The following ZNF311 variants were observed in gnomAD, a reference collection of about 807,000 sequenced individuals.
ZNF311 encodes the protein zinc finger protein zfp31.
ZNF311 carries 14 observed loss-of-function variants against 22.7 expected under a neutral mutation model. That is an observed-to-expected ratio of 0.62 (90% confidence interval 0.41 to 0.96). The LOEUF (loss-of-function observed/expected upper bound fraction) is 0.96, where lower values mean the gene tolerates loss of function less well. Ranked by LOEUF, ZNF311 falls within the 40% of genes least tolerant of loss-of-function variation. ZNF311 has a pLI of 0.00. For missense variants in ZNF311, 731 were observed against 799.0 expected (o/e 0.91, Z 1.03); for synonymous variants, 250 against 275.3 (o/e 0.91, Z 0.91).
chr6:29,000,021 A>G lies in ZNF311; in HGVS notation c.118T>C (p.Phe40Leu). 6.2e-7 allele frequency: 1 copy of G among 1,613,770 alleles called. No individual in the cohort carries two copies. The highest frequency in any genetic ancestry group is 8.5e-7 in the Non-Finnish European group (1 of 1,179,946). The change falls in exon 4 of 7, where the codon TTC becomes CTC. Residue 40 changes from phenylalanine (F) to leucine (L), a missense_variant. By Grantham distance (22) the Phe-to-Leu change is conservative. Transcript: ENST00000377179. ...TTTCCTTGGCTTCCATCTTTAGTGA[A>G]GGCAGGATATGGAGCAGGTAATAGA... Reference protein sequence around the residue: ...SALLPAPYPAFTKDGSQGNLP... With the variant: ...SALLPAPYPALTKDGSQGNLP...
At chr6:29,003,389 CT>C (rs1234318053) in intron 3 of ZNF311, 123 bp downstream of exon 3, 2 of 791,706 alleles carry the variant, frequency 2.5e-6, no homozygotes, top group Non-Finnish European at 4.3e-6. Flanking sequence ...CAAAATAAGA[CT>C]TTCTATAAAT....
At position 28,995,663 on chromosome 6, in the gene ZNF311, G is replaced by A. The variant is rs781062853; in HGVS notation, c.1339C>T (p.Gln447Ter). 1.2e-6 allele frequency: 2 copies of A among 1,613,474 alleles called. No individual in the cohort carries two copies. The highest frequency in any genetic ancestry group is 4.5e-5 in the East Asian group (2 of 44,862). ...TTGATGCTGAAGTCTTTTCCACACT[G>A]GGGACACCCATAGTGTTTCTCCCGA... is the stretch of plus-strand genomic sequence containing the variant. ...HTREKHYGCPQCGKDFSIKAE... is the reference protein window; with the variant it reads ...HTREKHYGCP The change falls in exon 7 of 7, where the codon CAG becomes TAG. Residue 447 changes from glutamine to a stop codon, truncating the protein, a stop_gained. Coordinates refer to ENST00000377179, the MANE Select transcript of ZNF311 (RefSeq NM_001382360.1). LOFTEE classifies it low-confidence loss of function (END_TRUNC). This position sits in a 1 kb window ranked among gnomAD's most constrained non-coding sequence, Gnocchi z 4.7.
At chr6:29,002,290 T>C (rs918168206) in intron 3 of ZNF311, among the ~76,000 whole-genome samples, 10 of 152,176 alleles carry the variant, frequency 6.6e-5, no homozygotes, top group South Asian at 2.1e-4. Context: ...TCACGACCAT[T>C]TGAGAAAAAG....
At position 28,994,976 on chromosome 6, in the gene ZNF311, G is replaced by A; in HGVS notation, c.*25C>T. On this transcript the variant is annotated 3_prime_UTR_variant, in exon 7 of 7. Coordinates refer to ENST00000377179, the MANE Select transcript of ZNF311 (RefSeq NM_001382360.1). ...ACCAGCCTAAGAGGTAGGAAAAACA[G>A]AAAGTAACACCAGAATCGTTATACT... 6.4e-7 allele frequency: 1 copy of A among 1,555,370 alleles called. No individual in the cohort carries two copies. Among genetic ancestry groups the A allele is most frequent in the Non-Finnish European group, 8.7e-7 (1 of 1,154,674 alleles).
chr6:28,994,922 C>G lies in ZNF311; in HGVS notation c.*79G>C. The G allele has an allele frequency of 1.4e-6, 2 of 1,418,358 alleles. No homozygotes were observed. Among genetic ancestry groups the G allele is most frequent in the Non-Finnish European group, 1.9e-6 (2 of 1,077,294 alleles). 87.9% of individuals were successfully genotyped at this position (1,418,358 alleles called of 1,614,324 possible). On this transcript the variant is annotated 3_prime_UTR_variant, in exon 7 of 7. Coordinates refer to ENST00000377179, the MANE Select transcript of ZNF311 (RefSeq NM_001382360.1). ...ATCTCACAATTAAGGGTCAGGAAAT[C>G]AGGAATAACTAATATAAGAGACAGA...
At chr6:29,000,808 GCT>G (rs1780343876) in intron 3 of ZNF311, among the ~76,000 whole-genome samples, 1 of 150,320 alleles carries the variant, frequency 6.7e-6, no homozygotes, top group Non-Finnish European at 1.5e-5. Context: ...TAAGAGTCTC[GCT>G]CTGTCTCCCA....
Position 28,994,859 on chromosome 6 carries a change from A to T in ZNF311, c.*142T>A, listed in dbSNP as rs1017496345. 3.4e-5 allele frequency: 32 copies of T among 946,722 alleles called. No individual in the cohort carries two copies. Among genetic ancestry groups the T allele is most frequent in the Non-Finnish European group, 2.7e-5 (18 of 662,348 alleles). 58.6% of individuals were successfully genotyped at this position (946,722 alleles called of 1,614,324 possible). A position where few individuals can be genotyped will look rare whatever the true frequency, so the allele number is the denominator to read the frequency against. On this transcript the variant is annotated 3_prime_UTR_variant, in exon 7 of 7. Coordinates refer to ENST00000377179, the MANE Select transcript of ZNF311 (RefSeq NM_001382360.1). Reference sequence around the variant, plus strand: ...GGAAGTAAATGTGCTCACTGAAAAAATAGTGAATAAGAAGGTAAAGGACAA... The same window carrying T: ...GGAAGTAAATGTGCTCACTGAAAAATTAGTGAATAAGAAGGTAAAGGACAA...
At position 29,000,058 on chromosome 6, in the gene ZNF311, A is replaced by G. The variant is rs1213327896; in HGVS notation, c.92-11T>C. 1.2e-6 allele frequency: 2 copies of G among 1,611,146 alleles called. No individual in the cohort carries two copies. Among genetic ancestry groups the G allele is most frequent in the Admixed American group, 3.4e-5 (2 of 59,668 alleles). ...GAGCAGGTAATAGAGCTGAGGGAAGATAAGTAAGCCAAGAGTCAATATAGC... is the reference window on the plus strand; with the variant it reads ...GAGCAGGTAATAGAGCTGAGGGAAGGTAAGTAAGCCAAGAGTCAATATAGC... On this transcript the variant is annotated splice_polypyrimidine_tract_variant and intron_variant, in intron 3 of 6. Coordinates refer to ENST00000377179, the MANE Select transcript of ZNF311 (RefSeq NM_001382360.1).
At chr6:28,999,778 G>T (rs1780184727) in intron 4 of ZNF311, 165 bp from the exon 5 acceptor site, 1 of 1,262,536 alleles carries the variant, frequency 7.9e-7, no homozygotes, top group Non-Finnish European at 1.1e-6. Flanking sequence ...GGTTTTGATA[G>T]CAAAAAATAA....
At chr6:29,004,246 T>A in intron 1 of ZNF311, 32 bp from the exon 2 acceptor site, 1 of 1,359,502 alleles carries the variant, frequency 7.4e-7, no homozygotes, top group Non-Finnish European at 9.5e-7. Context: ...AAGAGGAATG[T>A]GACCACAGGA....
At chr6:28,999,770 T>G in intron 4 of ZNF311, 157 bp from the exon 5 acceptor site, 1 of 1,276,368 alleles carries the variant, frequency 7.8e-7, no homozygotes, top group South Asian at 1.5e-5. Context: ...GAGCATGGGG[T>G]TTTGATAGCA....
rs751836963 is a variant in ZNF311 at position 28,995,503 on chromosome 6, T to G, written c.1499A>C (p.Gln500Pro). ...EREHTGEKPY[Q>P]CRDCGKTFQD... is the part of the protein sequence containing the mutation. ...GAAGGTTTTCCCACAATCCCTGCAT[T>G]GATAGGGCTTCTCCCCTGTATGCTC... The change falls in exon 7 of 7, where the codon CAA (glutamine) becomes CCA (proline). Residue 500 changes from glutamine to proline, a missense_variant. Physicochemically the swap from Gln to Pro is moderately conservative, Grantham distance 76 (BLOSUM62 -1). Transcript: ENST00000377179. The surrounding 1 kb of genome is among the most constrained non-coding windows in gnomAD (Gnocchi z 4.7). The G allele has an allele frequency of 6.2e-7, 1 of 1,613,138 alleles. No homozygotes were observed. The highest frequency in any genetic ancestry group is 1.3e-5 in the African/African-American group (1 of 74,938).
Position 28,995,525 on chromosome 6 carries a change from G to T in ZNF311, c.1477C>A (p.His493Asn). The T allele has an allele frequency of 6.2e-7, 1 of 1,613,848 alleles. No individual in the cohort carries two copies. The highest frequency in any genetic ancestry group is 8.5e-7 in the Non-Finnish European group (1 of 1,180,032). The change falls in exon 7 of 7, where the codon CAT (histidine) becomes AAT (asparagine). Residue 493 changes from histidine to asparagine, a missense_variant. Physicochemically the swap from His to Asn is moderately conservative, Grantham distance 68 (BLOSUM62 1). Coordinates refer to ENST00000377179, the MANE Select transcript of ZNF311 (RefSeq NM_001382360.1). The surrounding 1 kb of genome is among the most constrained non-coding windows in gnomAD (Gnocchi z 4.7). ...CATTGATAGGGCTTCTCCCCTGTAT[G>T]CTCTCGTTCATGAGCCCTGCGCTTA... ...NCKRRAHERE[H>N]TGEKPYQCRD...
At position 28,995,009 on chromosome 6, in the gene ZNF311, T is replaced by A; in HGVS notation, c.1993A>T (p.Ser665Cys). The change falls in exon 7 of 7, where the codon AGT becomes TGT. Residue 665 changes from serine to cysteine, a missense_variant. Physicochemically the swap from Ser to Cys is moderately radical, Grantham distance 112 (BLOSUM62 -1). Coordinates refer to ENST00000377179, the MANE Select transcript of ZNF311 (RefSeq NM_001382360.1). The surrounding 1 kb of genome is among the most constrained non-coding windows in gnomAD (Gnocchi z 4.7). ...CACCAGAATCGTTATACTCAGGCAC[T>A]GGTCAAAATACTGACTACTGAGGTC... ...SQTSVVSILT[S>C]A 1 of 1,603,506 alleles carries A rather than the reference T, an allele frequency of 6.2e-7. No individual in the cohort carries two copies. Among genetic ancestry groups the A allele is most frequent in the Non-Finnish European group, 8.5e-7 (1 of 1,175,330 alleles).
intron 1 of ZNF311, among the ~76,000 whole-genome samples, chr6:29,004,435 CTCCTT>C: frequency 3.1e-5 from 1 of 32,494 alleles, no homozygotes; most frequent in Non-Finnish European, 4.6e-5. Context: ...CCTTGCCTTC[CTCCTT>C]TCTTTTTTTT....
Position 28,999,988 on chromosome 6 carries a change from G to T in ZNF311, c.151C>A (p.Gln51Lys). Residue 51 changes from glutamine to lysine, a missense_variant, in exon 4 of 7, where the codon CAA (glutamine) becomes AAA (lysine). By Grantham distance (53) the Gln-to-Lys change is moderately conservative (BLOSUM62 1). Coordinates refer to ENST00000377179, the MANE Select transcript of ZNF311 (RefSeq NM_001382360.1). Reference sequence around the variant, plus strand: ...TGGCTCATTAGTGTGATATCTGCTTGCGGCAGGTTTCCTTGGCTTCCATCT... The same window carrying T: ...TGGCTCATTAGTGTGATATCTGCTTTCGGCAGGTTTCCTTGGCTTCCATCT... ...TKDGSQGNLP[Q>K]ADITLMSQAQ... The T allele has an allele frequency of 6.2e-7, 1 of 1,613,754 alleles. No individual in the cohort carries two copies. Among genetic ancestry groups the T allele is most frequent in the Non-Finnish European group, 8.5e-7 (1 of 1,179,940 alleles).
chr6:28,999,314 A>G (rs1780095947), intron 5 of ZNF311, among the ~76,000 whole-genome samples, 173 bp downstream of exon 5: 1 of 152,124 alleles, frequency 6.6e-6, no homozygotes, highest in Non-Finnish European at 1.5e-5. Flanking sequence ...GTTAGCCAAA[A>G]AATTATCTTG....
chr6:29,002,620 AT>A lies in ZNF311; in HGVS notation c.91+892del, dbSNP rs35452431. Among the ~76,000 whole-genome samples the A allele has an allele frequency of 3.1e-3, 413 of 132,832 alleles. 2 individuals are homozygous for A. The highest frequency in any genetic ancestry group is 0.025 in the South Asian group (104 of 4,120). 87.1% of individuals were successfully genotyped at this position (132,832 alleles called of 152,430 possible). The stretch of plus-strand genomic sequence containing the variant: ...CTCCTAGGTTGCACCTCCAACAGCA[AT>A]TTTTTTTTTTTTTTTTTTAGACAGA... On this transcript the variant is annotated intron_variant, in intron 3 of 6. Coordinates refer to ENST00000377179, the MANE Select transcript of ZNF311 (RefSeq NM_001382360.1).
chr6:29,001,127 G>A (rs1360769495), intron 3 of ZNF311, among the ~76,000 whole-genome samples: 1 of 152,108 alleles, frequency 6.6e-6, no homozygotes, highest in Non-Finnish European at 1.5e-5. Context: ...TTCCTTGCAG[G>A]CCAGCTCAAT....
Sources: allele counts gnomAD v4.1 joint callset (sites outside exome capture counted in the v4.1 genomes callset), GRCh38; gene constraint gnomAD v4.1.1; non-coding constraint Gnocchi (gnomAD v3.1); transcripts MANE v1.5; gene names NCBI Gene and HGNC (gene_info 2026-07-23, HGNC 2026-07-21).